Variants in C11orf65 observed in about 807,000 individuals in gnomAD.
C11orf65 encodes the protein protein MFI.
A neutral mutation model predicts 35.3 loss-of-function variants in C11orf65; 38 were observed. The observed-to-expected ratio is 1.08, with a 90% CI of 0.83 to 1.41. C11orf65 has a LOEUF of 1.41. Among genes scored for constraint, C11orf65 ranks in the 40% most tolerant of loss-of-function variants. The probability of loss-of-function intolerance (pLI) is 0.00; values close to 1 mark genes in which losing one functional copy is unlikely to be tolerated. For synonymous variants in C11orf65, 105 were observed against 114.4 expected (o/e 0.92, Z 0.53); for missense variants, 370 against 367.1 (o/e 1.01, Z -0.06).
chr11:108,329,407 T>G (rs746817871), downstream of C11orf65: 23 of 662,506 alleles, frequency 3.5e-5, no homozygotes, highest in Non-Finnish European at 5.1e-5. Context: ...TCGGTTTTTG[T>G]TTTTTGTTTT....
rs777534711 is a variant in C11orf65, at chr11:108,315,873, T to C, written c.641-6802A>G. The stretch of plus-strand genomic sequence containing the variant: ...GTATAGGGGAGCCAGATAGTTTGTA[T>C]GGCTGTGGTGGAGGGAAGATGTTAC... On this transcript the variant is annotated intron_variant, in intron 6 of 6. Coordinates refer to the C11orf65 transcript ENST00000525729. 1 of 1,613,434 alleles carries C rather than the reference T, an allele frequency of 6.2e-7. No individual in the cohort carries two copies. Among genetic ancestry groups the C allele is most frequent in the East Asian group, 2.2e-5 (1 of 44,880 alleles).
At chr11:108,325,614 C>T in intron 6 of C11orf65, 1 of 1,312,516 alleles carries the variant, frequency 7.6e-7, no homozygotes, top group Non-Finnish European at 1.1e-6. Flanking sequence ...AACAGAAAGC[C>T]TGAGGGAAAA....
chr11:108,462,327 G>T (rs2093482473), intron 1 of C11orf65, among the ~76,000 whole-genome samples: 1 of 152,214 alleles, frequency 6.6e-6, no homozygotes, highest in Non-Finnish European at 1.5e-5. Context: ...TTACAGGCAT[G>T]AGCCACTGCA....
chr11:108,329,867 GA>G (rs1308212177), downstream of C11orf65, among the ~76,000 whole-genome samples: 1 of 152,184 alleles, frequency 6.6e-6, no homozygotes, highest in Non-Finnish European at 1.5e-5. Context: ...TATCATAGTG[GA>G]AAAGGAGATA....
chr11:108,433,023 G>C (rs2093011455), intron 2 of C11orf65, among the ~76,000 whole-genome samples: 1 of 152,038 alleles, frequency 6.6e-6, no homozygotes, highest in Non-Finnish European at 1.5e-5. Flanking sequence ...TGCCAGATCA[G>C]CTGGAGTTGA....
At chr11:108,442,426 C>A (rs867445585) in intron 2 of C11orf65, among the ~76,000 whole-genome samples, 4 of 152,108 alleles carry the variant, frequency 2.6e-5, no homozygotes, top group Non-Finnish European at 5.9e-5. Flanking sequence ...GGAGAACTTC[C>A]CCAACCTAGC....
chr11:108,443,298 A>C (rs1297157486), intron 2 of C11orf65, among the ~76,000 whole-genome samples: 1 of 152,190 alleles, frequency 6.6e-6, no homozygotes, highest in African/African-American at 2.4e-5. Flanking sequence ...ATATGCACCC[A>C]ATACAGGAGC....
At chr11:108,340,171 A>T (rs893787942) in intron 2 of C11orf65, 2 of 152,094 alleles carry the variant, frequency 1.3e-5, no homozygotes, top group African/African-American at 2.4e-5. Flanking sequence ...TTTTACTTTT[A>T]TTATTATGGA....
intron 3 of C11orf65, among the ~76,000 whole-genome samples, chr11:108,412,408 A>T (rs2092673773): frequency 6.6e-6 from 1 of 152,198 alleles, no homozygotes; most frequent in African/African-American, 2.4e-5. Flanking sequence ...ATCTACATAT[A>T]CCAATTACAA....
At chr11:108,441,607 C>G in intron 2 of C11orf65, among the ~76,000 whole-genome samples, 1 of 152,182 alleles carries the variant, frequency 6.6e-6, no homozygotes, top group Non-Finnish European at 1.5e-5. Context: ...CGGCCAGGTG[C>G]CCCTCTGAGA....
At chr11:108,314,039 A>G (rs193215686) in intron 6 of C11orf65, among the ~76,000 whole-genome samples, 2 of 152,326 alleles carry the variant, frequency 1.3e-5, no homozygotes, top group East Asian at 3.9e-4. Context: ...TTTCAAAGAA[A>G]AATCCACGAC....
intron 3 of C11orf65, among the ~76,000 whole-genome samples, chr11:108,427,387 T>C (rs946767096): frequency 3.3e-5 from 5 of 149,448 alleles, no homozygotes; most frequent in Admixed American, 1.3e-4. Context: ...TATGAACAGA[T>C]GCTTCTCAAA....
At chr11:108,359,008 A>G (rs1198748467) in intron 2 of C11orf65, among the ~76,000 whole-genome samples, 1 of 151,604 alleles carries the variant, frequency 6.6e-6, no homozygotes, top group Non-Finnish European at 1.5e-5. Context: ...GGCAAATTGG[A>G]TAAAGAGTCA....
downstream of C11orf65, among the ~76,000 whole-genome samples, chr11:108,328,215 G>T (rs1394196222): frequency 6.6e-6 from 1 of 152,116 alleles, no homozygotes; most frequent in South Asian, 2.1e-4. Context: ...CTAAATAAGT[G>T]TAACATGAAA....
chr11:108,408,207 TA>T (rs2092583264), intron 3 of C11orf65, among the ~76,000 whole-genome samples: 1 of 151,720 alleles, frequency 6.6e-6, no homozygotes, highest in African/African-American at 2.4e-5. Context: ...TATATAAACA[TA>T]AAAGCCAAGT....
At chr11:108,372,325 C>T (rs1464839922) in intron 2 of C11orf65, among the ~76,000 whole-genome samples, 2 of 152,172 alleles carry the variant, frequency 1.3e-5, no homozygotes, top group African/African-American at 4.8e-5. Flanking sequence ...TCCCAAGTAG[C>T]TGGGACTACA....
intron 3 of C11orf65, among the ~76,000 whole-genome samples, chr11:108,429,869 G>A (rs2092960549): frequency 6.6e-6 from 1 of 152,138 alleles, no homozygotes; most frequent in African/African-American, 2.4e-5. Flanking sequence ...AGGACACTGT[G>A]CTAAGTGACA....
upstream of C11orf65, among the ~76,000 whole-genome samples, chr11:108,468,733 A>C (rs769445795): frequency 6.6e-6 from 1 of 152,204 alleles, no homozygotes; most frequent in Non-Finnish European, 1.5e-5. Context: ...GTAGTTATGA[A>C]CAATAAACTG....
chr11:108,439,545 C>T (rs556006098), intron 2 of C11orf65, among the ~76,000 whole-genome samples: 1 of 152,106 alleles, frequency 6.6e-6, no homozygotes, highest in African/African-American at 2.4e-5. Flanking sequence ...GCATTATTCA[C>T]AGTAACCAAA....
Sources: gnomAD v4.1 joint callset for allele counts (sites outside exome capture counted in the v4.1 genomes callset) on GRCh38, gnomAD v4.1.1 for gene constraint, MANE v1.5 for transcripts, NCBI Gene and HGNC (gene_info 2026-07-23, HGNC 2026-07-21) for gene names.